The following PLXNB1 variants were observed in gnomAD, a reference collection of about 807,000 sequenced individuals.
The protein encoded by PLXNB1 is plexin B1, also known as plexin-B1.
PLXNB1 carries 106 observed loss-of-function variants against 209.4 expected under a neutral mutation model. The observed-to-expected ratio is 0.51, with a 90% confidence interval of 0.43 to 0.59. The LOEUF (loss-of-function observed/expected upper bound fraction) is 0.59. Among genes scored for constraint, PLXNB1 ranks in the 20% least tolerant of loss-of-function variants. The pLI, the probability that PLXNB1 is intolerant of heterozygous loss-of-function variation, is 0.00. For synonymous variants in PLXNB1, 1,167 were observed against 1,183.2 expected (o/e 0.99, Z 0.28); for missense variants, 2,357 against 2,853.2 (o/e 0.83, Z 3.96).
At position 48,419,767 on chromosome 3, in the gene PLXNB1, T is replaced by C. The variant is rs1263104956; in HGVS notation, c.2519A>G (p.Asp840Gly). 6.2e-6 allele frequency: 10 copies of C among 1,607,094 alleles called. No individual in the cohort carries two copies. Among genetic ancestry groups the C allele is most frequent in the Non-Finnish European group, 8.5e-6 (10 of 1,177,412 alleles). ...CTCGCCGCCTTCTCTCGTGAGCCAGTCCAGGGCGGGCTTCACGGAGCCCAT... is the reference window on the plus strand; with the variant it reads ...CTCGCCGCCTTCTCTCGTGAGCCAGCCCAGGGCGGGCTTCACGGAGCCCAT... ...GAMGSVKPAL[D>G]WLTREGGELP... is the part of the protein sequence containing the mutation. Residue 840 changes from aspartate to glycine, a missense_variant, in exon 11 of 38, where the codon GAC becomes GGC. By Grantham distance (94) the Asp-to-Gly change is moderately conservative. Transcript: ENST00000296440. The surrounding 1 kb of genome is among the most constrained non-coding windows in gnomAD (Gnocchi z 5.7).
Position 48,411,821 on chromosome 3 carries a change from C to T in PLXNB1, c.5247+42G>A. 1 of 1,605,132 alleles carries T rather than the reference C, an allele frequency of 6.2e-7. No individual in the cohort carries two copies. On this transcript the variant is annotated intron_variant, in intron 28 of 37. Coordinates refer to ENST00000296440, the MANE Select transcript of PLXNB1 (RefSeq NM_001130082.3). The surrounding 1 kb of genome is among the most constrained non-coding windows in gnomAD (Gnocchi z 4.0). ...CCCACACACTCTCCACCCTCGCCCT[C>T]ACCGCACTCAGACTGCAGGCCACAC... is the stretch of plus-strand genomic sequence containing the variant.
rs1188505486 is a variant in PLXNB1 at position 48,409,523 on chromosome 3, A to C, written c.5940-47T>G. ...CCGATGAATGTGCTGGGGAGGCAGA[A>C]GAGAAGACCCCCCACACACACCTAG... On this transcript the variant is annotated intron_variant, in intron 33 of 37. Transcript: ENST00000296440. This position sits in a 1 kb window ranked among gnomAD's most constrained non-coding sequence, Gnocchi z 5.8. 2 of 1,613,950 alleles carry C rather than the reference A, an allele frequency of 1.2e-6. No homozygotes were observed. The highest frequency in any genetic ancestry group is 2.2e-5 in the East Asian group (1 of 44,876).
rs931303496 is a variant in PLXNB1 at position 48,418,727 on chromosome 3, G to A, written c.2956-185C>T. 1.3e-5 allele frequency among the ~76,000 whole-genome samples: 2 copies of A among 152,174 alleles called. No homozygotes were observed. Among genetic ancestry groups the A allele is most frequent in the Non-Finnish European group, 2.9e-5 (2 of 68,028 alleles). On this transcript the variant is annotated intron_variant, in intron 13 of 37. Coordinates refer to ENST00000296440, the MANE Select transcript of PLXNB1 (RefSeq NM_001130082.3). This position sits in a 1 kb window ranked among gnomAD's most constrained non-coding sequence, Gnocchi z 6.6. The stretch of plus-strand genomic sequence containing the variant: ...GGGGACCCCATGGGGTCTCAAGTTA[G>A]AGTTCAGAGCTGGGATGCAAGGACT...
rs747019545 is a variant in PLXNB1 at position 48,406,923 on chromosome 3, G to C, written c.6153-25C>G. 3.7e-6 allele frequency: 6 copies of C among 1,611,910 alleles called. No individual in the cohort carries two copies. The Admixed American group carries it at 1.0e-4, about 27-fold the overall frequency. The stretch of plus-strand genomic sequence containing the variant: ...CCTGCCAGAGAGCCAGGGCACAGCA[G>C]CTGCTGGGTAAACAAGCCCACTCCC... On this transcript the variant is annotated intron_variant, in intron 35 of 37. Transcript: ENST00000296440. This position sits in a 1 kb window ranked among gnomAD's most constrained non-coding sequence, Gnocchi z 4.4.
At position 48,411,546 on chromosome 3, in the gene PLXNB1, C is replaced by A. The variant is rs112734489; in HGVS notation, c.5247+317G>T. 0.017 allele frequency among the ~76,000 whole-genome samples: 2,635 copies of A among 152,306 alleles called. 65 individuals are homozygous for A. The highest frequency in any genetic ancestry group is 0.059 in the African/African-American group (2,460 of 41,556). On this transcript the variant is annotated intron_variant, in intron 28 of 37. Transcript: ENST00000296440. This position sits in a 1 kb window ranked among gnomAD's most constrained non-coding sequence, Gnocchi z 4.0. ...CCGCATTCCTGGTAGGAGGGCCAGG[C>A]AGACAGGGTCAGGCCCTGACACAGC...
At position 48,409,440 on chromosome 3, in the gene PLXNB1, G is replaced by A. The variant is rs1325735832; in HGVS notation, c.5976C>T (p.Asn1992=). The change falls in exon 34 of 38, where the codon AAC becomes AAT. Residue 1992 remains asparagine, a synonymous_variant. Transcript: ENST00000296440. This position sits in a 1 kb window ranked among gnomAD's most constrained non-coding sequence, Gnocchi z 5.8. ...PLRFWINIIK[N]PQFVFDVQTS... ...TTTGCACGTCGAACACAAACTGCGG[G>A]TTTTTTATTATATTGATCCAGAACC... 1.2e-6 allele frequency: 2 copies of A among 1,614,056 alleles called. No homozygotes were observed. Among genetic ancestry groups the A allele is most frequent in the African/African-American group, 1.3e-5 (1 of 74,938 alleles).
In PLXNB1 at chr3:48,419,387, G is replaced by C; in HGVS notation, c.2710-21C>G. 3 of 1,541,320 alleles carry C rather than the reference G, an allele frequency of 1.9e-6. No individual in the cohort carries two copies. Among genetic ancestry groups the C allele is most frequent in the Non-Finnish European group, 2.6e-6 (3 of 1,141,822 alleles). Reference sequence around the variant, plus strand: ...TCTTCCTGCAGGCACCAAGGGCAAGGCAGTCTATGGAGCCCACCCTGCCCA... The same window carrying C: ...TCTTCCTGCAGGCACCAAGGGCAAGCCAGTCTATGGAGCCCACCCTGCCCA... On this transcript the variant is annotated intron_variant, in intron 11 of 37. Coordinates refer to ENST00000296440, the MANE Select transcript of PLXNB1 (RefSeq NM_001130082.3). The surrounding 1 kb of genome is among the most constrained non-coding windows in gnomAD (Gnocchi z 5.7).
intron 34 of PLXNB1, among the ~76,000 whole-genome samples, chr3:48,408,552 TCA>T (rs2037454522): frequency 6.6e-6 from 1 of 152,064 alleles, no homozygotes; most frequent in Non-Finnish European, 1.5e-5. Context: ...CTCCAACTAC[TCA>T]GTCTCCTGTG....
intron 2 of PLXNB1, 106 bp from the exon 3 acceptor site, chr3:48,424,723 A>G: frequency 2.5e-6 from 3 of 1,189,826 alleles, no homozygotes; most frequent in Non-Finnish European, 3.5e-6. Flanking sequence ...GCTCCTCCTA[A>G]CCTAGGGGGT....
Position 48,412,352 on chromosome 3 carries a change from G to A in PLXNB1, c.5034-48C>T, listed in dbSNP as rs200068894. ...TGCCAGGGTCAGCAGGTGGGGCTGC[G>A]GGCCTCTCTATCCTGCAGACCCCCC... On this transcript the variant is annotated intron_variant, in intron 26 of 37. Coordinates refer to ENST00000296440, the MANE Select transcript of PLXNB1 (RefSeq NM_001130082.3). 4,038 of 1,610,792 alleles carry A rather than the reference G, an allele frequency of 2.5e-3. 8 individuals carry two copies. The highest frequency in any genetic ancestry group is 3.0e-3 in the Non-Finnish European group (3,487 of 1,177,526).
Position 48,415,187 on chromosome 3 carries a change from T to C in PLXNB1, c.3955A>G (p.Ser1319Gly). ...ETACSLGPSCSSQQFEEPCHV... is the reference protein window; with the variant it reads ...ETACSLGPSCGSQQFEEPCHV... ...CAAGGGTGTCCTACTTGCTGGCTACTGCAGGAGGGTCCAAGGGAACATGCC... is the reference window on the plus strand; with the variant it reads ...CAAGGGTGTCCTACTTGCTGGCTACCGCAGGAGGGTCCAAGGGAACATGCC... Residue 1319 changes from serine (S) to glycine (G), a missense_variant, in exon 20 of 38, where the codon AGT becomes GGT. This residue lies in a region of PLXNB1 where 743 missense variants were observed against 896.2 expected (regional missense o/e 0.83). Coordinates refer to ENST00000296440, the MANE Select transcript of PLXNB1 (RefSeq NM_001130082.3). This position sits in a 1 kb window ranked among gnomAD's most constrained non-coding sequence, Gnocchi z 5.0. 6.2e-7 allele frequency: 1 copy of C among 1,612,690 alleles called. No individual in the cohort carries two copies. Among genetic ancestry groups the C allele is most frequent in the South Asian group, 1.1e-5 (1 of 91,074 alleles).
In PLXNB1 at chr3:48,410,283, G is replaced by A. The variant is rs369035002; in HGVS notation, c.5605+13C>T. On this transcript the variant is annotated intron_variant, in intron 31 of 37. Transcript: ENST00000296440. This position sits in a 1 kb window ranked among gnomAD's most constrained non-coding sequence, Gnocchi z 6.4. ...CAGCAGGGGCAGAGGACCGTGATGG[G>A]AGCGGTACTCACGCTCTCCAGGGAC... The A allele has an allele frequency of 7.5e-6, 12 of 1,591,784 alleles. No homozygotes were observed. The highest frequency in any genetic ancestry group is 2.2e-5 in the East Asian group (1 of 44,668).
In PLXNB1 at chr3:48,410,998, T is replaced by C; in HGVS notation, c.5286A>G (p.Gly1762=). 6.2e-7 allele frequency: 1 copy of C among 1,613,670 alleles called. No individual in the cohort carries two copies. ...CCTTCACGGGCACGCCCTGGGCCTC[T>C]CCTGCCCCAGGCCCCACAGCCAATA... The part of the protein sequence containing the change: ...NALLAVGPGA[G]EAQGVPVKVL... The change falls in exon 29 of 38, where the codon GGA becomes GGG. Residue 1762 remains glycine (G), a synonymous_variant. Coordinates refer to ENST00000296440, the MANE Select transcript of PLXNB1 (RefSeq NM_001130082.3). This position sits in a 1 kb window ranked among gnomAD's most constrained non-coding sequence, Gnocchi z 6.4.
In PLXNB1 at chr3:48,409,843, T is replaced by A; in HGVS notation, c.5778+62A>T. On this transcript the variant is annotated intron_variant, in intron 32 of 37. Coordinates refer to ENST00000296440, the MANE Select transcript of PLXNB1 (RefSeq NM_001130082.3). This position sits in a 1 kb window ranked among gnomAD's most constrained non-coding sequence, Gnocchi z 5.8. ...GCACGAGCCCCACACCACCCCCAAATCCCACGAGTGGCCATGCTCCCTCTC... is the reference window on the plus strand; with the variant it reads ...GCACGAGCCCCACACCACCCCCAAAACCCACGAGTGGCCATGCTCCCTCTC... The A allele has an allele frequency of 6.3e-7, 1 of 1,578,592 alleles. No homozygotes were observed. Among genetic ancestry groups the A allele is most frequent in the Admixed American group, 1.7e-5 (1 of 57,388 alleles).
rs1383704970 is a variant in PLXNB1, at chr3:48,419,532, C to T, written c.2709+45G>A. 1 of 1,556,582 alleles carries T rather than the reference C, an allele frequency of 6.4e-7. No homozygotes were observed. The highest frequency in any genetic ancestry group is 8.7e-7 in the Non-Finnish European group (1 of 1,143,046). Reference sequence around the variant, plus strand: ...AAGGCAAGCTAGGGGTAGCATCTTCCCCACATCCCCTCCCCTGAGGCCTCC... The same window carrying T: ...AAGGCAAGCTAGGGGTAGCATCTTCTCCACATCCCCTCCCCTGAGGCCTCC... On this transcript the variant is annotated intron_variant, in intron 11 of 37. Transcript: ENST00000296440. This position sits in a 1 kb window ranked among gnomAD's most constrained non-coding sequence, Gnocchi z 5.7.
In PLXNB1 at chr3:48,413,338, G is replaced by C; in HGVS notation, c.4536-169C>G. 2 of 638,082 alleles carry C rather than the reference G, an allele frequency of 3.1e-6. No homozygotes were observed. Among genetic ancestry groups the C allele is most frequent in the Non-Finnish European group, 5.5e-6 (2 of 362,376 alleles). The allele number at this position is 638,082 out of a possible 1,614,324, so 39.5% of individuals were successfully genotyped here. A position where few individuals can be genotyped will look rare whatever the true frequency, so the allele number is the denominator to read the frequency against. On this transcript the variant is annotated intron_variant, in intron 23 of 37. Coordinates refer to ENST00000296440, the MANE Select transcript of PLXNB1 (RefSeq NM_001130082.3). This position sits in a 1 kb window ranked among gnomAD's most constrained non-coding sequence, Gnocchi z 5.4. ...ATTCAGCCTGTCCCGTCCCAAGCAA[G>C]TCACACACACCCATGCCCCGTCTAG...
chr3:48,413,801 C>A lies in PLXNB1; in HGVS notation c.4404G>T (p.Leu1468Phe). The A allele has an allele frequency of 6.2e-7, 1 of 1,613,574 alleles. No homozygotes were observed. The highest frequency in any genetic ancestry group is 1.7e-4 in the Middle Eastern group (1 of 6,060). The change falls in exon 23 of 38, where the codon TTG (leucine) becomes TTT (phenylalanine). Residue 1468 changes from leucine to phenylalanine, a missense_variant. By Grantham distance (22) the Leu-to-Phe change is conservative. Transcript: ENST00000296440. This position sits in a 1 kb window ranked among gnomAD's most constrained non-coding sequence, Gnocchi z 5.4. ...ACTGCACGTGACCCAGGGAGAAGCG[C>A]AAGTTCCCCATCTGCACCTGTGTCA... Reference protein sequence around the residue: ...LPEFTVQMGNLRFSLGHVQYD... With the variant: ...LPEFTVQMGNFRFSLGHVQYD...
chr3:48,428,736 A>G (rs2039025018), intron 1 of PLXNB1, among the ~76,000 whole-genome samples: 1 of 151,812 alleles, frequency 6.6e-6, no homozygotes, highest in African/African-American at 2.4e-5. Context: ...GAGATCCACC[A>G]TTTACCAGGC....
chr3:48,405,924 C>T lies in PLXNB1; in HGVS notation c.6229-126G>A, dbSNP rs1040356610. 5.8e-5 allele frequency: 42 copies of T among 725,250 alleles called. No individual in the cohort carries two copies. In the Admixed American group the frequency reaches 8.8e-4, roughly 15 times the overall value. The allele number at this position is 725,250 out of a possible 1,614,324, so 44.9% of individuals were successfully genotyped here. A position where few individuals can be genotyped will look rare whatever the true frequency, so the allele number is the denominator to read the frequency against. Reference sequence around the variant, plus strand: ...TGAGAGGTAGAGAATGGGATGGGCACTACAGTGGGAAGCAGAGTCCCCTCC... The same window carrying T: ...TGAGAGGTAGAGAATGGGATGGGCATTACAGTGGGAAGCAGAGTCCCCTCC... On this transcript the variant is annotated intron_variant, in intron 36 of 37. Transcript: ENST00000296440. This position sits in a 1 kb window ranked among gnomAD's most constrained non-coding sequence, Gnocchi z 5.0.
Sources: allele counts gnomAD v4.1 joint callset (sites outside exome capture counted in the v4.1 genomes callset), GRCh38; gene constraint gnomAD v4.1.1; regional missense constraint gnomAD v4.1.1; non-coding constraint Gnocchi (gnomAD v3.1); transcripts MANE v1.5; gene names NCBI Gene and HGNC (gene_info 2026-07-23, HGNC 2026-07-21).